Variants in BBS12 observed in about 807,000 individuals in gnomAD.
The protein encoded by BBS12 is Bardet-Biedl syndrome 12.
Under a neutral mutation model 5.6 loss-of-function variants are expected in BBS12, and 5 were observed. That is an observed-to-expected ratio of 0.89 (90% CI 0.46 to 1.86). The LOEUF is 1.86. BBS12 is among the 40% of genes most tolerant of loss of function. BBS12 has a pLI of 0.01. For missense variants in BBS12, 748 were observed against 830.4 expected (o/e 0.90, Z 1.22); for synonymous variants, 308 against 306.8 (o/e 1.00, Z -0.04).
At chr4:122,732,111 A>C (rs1800705190), upstream of BBS12, 1 of 152,162 alleles carries the variant, frequency 6.6e-6, no homozygotes, top group Non-Finnish European at 1.5e-5. Context: ...GGCGTCTTTA[A>C]TTTCTTGCTT....
chr4:122,710,179 G>C, the BBS12 span, among the ~76,000 whole-genome samples: 44 of 152,292 alleles, frequency 2.9e-4, no homozygotes, highest in African/African-American at 9.6e-4. Context: ...TCTGCCCTCA[G>C]AGTGGGGGAC....
At chr4:122,735,409 T>C (rs922051300) in intron 1 of BBS12, among the ~76,000 whole-genome samples, 2 of 152,180 alleles carry the variant, frequency 1.3e-5, no homozygotes, top group Admixed American at 1.3e-4. Flanking sequence ...AGACTTTCTT[T>C]TTTAAGATAA....
chr4:122,743,500 C>G lies in BBS12; in HGVS notation c.1608C>G (p.Phe536Leu). The G allele has an allele frequency of 1.2e-6, 2 of 1,614,204 alleles. No individual in the cohort carries two copies. Among genetic ancestry groups the G allele is most frequent in the Middle Eastern group, 1.6e-4 (1 of 6,062 alleles). ...LYYALKEEKVFLGGGAVEFLC... is the reference protein window; with the variant it reads ...LYYALKEEKVLLGGGAVEFLC... Reference sequence around the variant, plus strand: ...ATGCTCTAAAAGAGGAAAAGGTCTTCCTTGGAGGTGGTGCAGTTGAATTTT... The same window carrying G: ...ATGCTCTAAAAGAGGAAAAGGTCTTGCTTGGAGGTGGTGCAGTTGAATTTT... The change falls in exon 2 of 2, where the codon TTC becomes TTG. Residue 536 changes from phenylalanine (F) to leucine (L), a missense_variant. Coordinates refer to ENST00000314218, the MANE Select transcript of BBS12 (RefSeq NM_152618.3).
chr4:122,712,380 T>C, the BBS12 span, among the ~76,000 whole-genome samples: 27 of 152,374 alleles, frequency 1.8e-4, no homozygotes, highest in African/African-American at 5.0e-4. Context: ...TCTGTGAAAC[T>C]GTTCCCTCAC....
Position 122,743,071 on chromosome 4 carries a change from A to G in BBS12, c.1179A>G (p.Glu393=). The G allele has an allele frequency of 6.2e-7, 1 of 1,614,224 alleles. No homozygotes were observed. The highest frequency in any genetic ancestry group is 8.5e-7 in the Non-Finnish European group (1 of 1,180,012). ...TGCGGCTTCAAGAAGACAGCTCAGAAGAACTGTGGGCAAATCACGTGTTAC... is the reference window on the plus strand; with the variant it reads ...TGCGGCTTCAAGAAGACAGCTCAGAGGAACTGTGGGCAAATCACGTGTTAC... ...DSMRLQEDSS[E]ELWANHVLQV... Residue 393 remains glutamate (E), a synonymous_variant, in exon 2 of 2, where the codon GAA becomes GAG. Coordinates refer to ENST00000314218, the MANE Select transcript of BBS12 (RefSeq NM_152618.3).
At chr4:122,741,789 A>G in intron 1 of BBS12, 94 bp from the exon 2 acceptor site, 1 of 1,055,554 alleles carries the variant, frequency 9.5e-7, no homozygotes, top group Non-Finnish European at 1.4e-6. Flanking sequence ...TATGTACCTC[A>G]AAAGCAGGGA....
At chr4:122,715,774 T>C in the BBS12 span, among the ~76,000 whole-genome samples, 1 of 152,188 alleles carries the variant, frequency 6.6e-6, no homozygotes, top group African/African-American at 2.4e-5. Context: ...TATAATACAG[T>C]GCACCTATTT....
chr4:122,729,593 G>A (rs1414808200), upstream of BBS12: 1 of 152,168 alleles, frequency 6.6e-6, no homozygotes, highest in Non-Finnish European at 1.5e-5. Context: ...TAGTTTTCTT[G>A]TATGTAAAAT....
rs17006082 is a variant in BBS12 at position 122,742,606 on chromosome 4, T to G, written c.714T>G (p.Asn238Lys). ...QSILIHSRHF[N>K]RTDNTEGVSK... ...TACTAATCCACAGTAGGCATTTTAA[T>G]AGGACAGATAATACTGAAGGGGTAA... is the stretch of plus-strand genomic sequence containing the variant. Residue 238 changes from asparagine to lysine, a missense_variant, in exon 2 of 2, where the codon AAT (asparagine) becomes AAG (lysine). Coordinates refer to ENST00000314218, the MANE Select transcript of BBS12 (RefSeq NM_152618.3). The G allele has an allele frequency of 1.5e-3, 2,441 of 1,614,212 alleles. 29 individuals are homozygous for G. In the African/African-American group the frequency reaches 0.028, roughly 18 times the overall value.
At position 122,742,401 on chromosome 4, in the gene BBS12, T is replaced by C; in HGVS notation, c.509T>C (p.Ile170Thr). 1 of 1,614,242 alleles carries C rather than the reference T, an allele frequency of 6.2e-7. No homozygotes were observed. ...FLQVPSDTDL[I>T]EELHGLKDVA... ...CAGGTCCCTTCAGATACTGATTTGA[T>C]AGAGGAATTGCATGGTCTCAAAGAT... is the stretch of plus-strand genomic sequence containing the variant. The change falls in exon 2 of 2, where the codon ATA (isoleucine) becomes ACA (threonine). Residue 170 changes from isoleucine (I) to threonine (T), a missense_variant. Physicochemically the swap from Ile to Thr is moderately conservative, Grantham distance 89 (BLOSUM62 -1). Coordinates refer to ENST00000314218, the MANE Select transcript of BBS12 (RefSeq NM_152618.3).
At chr4:122,729,675 C>G (rs1448480826), upstream of BBS12, 1 of 152,162 alleles carries the variant, frequency 6.6e-6, no homozygotes, top group Admixed American at 6.6e-5. Flanking sequence ...CGGCCAGGCA[C>G]GGTGGCTCAC....
chr4:122,737,435 A>T (rs926345667), intron 1 of BBS12, among the ~76,000 whole-genome samples: 6 of 152,190 alleles, frequency 3.9e-5, no homozygotes, highest in South Asian at 2.1e-4. Context: ...ATGTTATGTA[A>T]CTATTCTGCT....
Position 122,743,434 on chromosome 4 carries a change from CAAA to C in BBS12, c.1543_1545del (p.Lys515del), listed in dbSNP as rs756297342. The C allele has an allele frequency of 3.1e-6, 5 of 1,614,036 alleles. No individual in the cohort carries two copies. Among genetic ancestry groups the C allele is most frequent in the Non-Finnish European group, 4.2e-6 (5 of 1,180,022 alleles). On this transcript the variant is annotated inframe_deletion, in exon 2 of 2. Transcript: ENST00000314218. The stretch of plus-strand genomic sequence containing the variant: ...ACCCAGTTACTGCACAGATGCAAAT[CAAA>C]GAAGATAGGTTCTGGACATGTGCCT...
At chr4:122,725,704 C>T in the BBS12 span, among the ~76,000 whole-genome samples, 1 of 151,896 alleles carries the variant, frequency 6.6e-6, no homozygotes, top group Non-Finnish European at 1.5e-5. Context: ...TGAGACAATC[C>T]TGGCCAACAT....
the BBS12 span, among the ~76,000 whole-genome samples, chr4:122,718,427 A>C: frequency 4.6e-5 from 7 of 152,314 alleles, no homozygotes; most frequent in Admixed American, 2.0e-4. Flanking sequence ...TGCTGCAAAC[A>C]AGTATAAAAA....
chr4:122,744,225 A>G lies in BBS12; in HGVS notation c.*200A>G, dbSNP rs540989574. The G allele has an allele frequency of 8.5e-6, 5 of 585,588 alleles. No individual in the cohort carries two copies. The highest frequency in any genetic ancestry group is 2.1e-5 in the South Asian group (1 of 48,466). 36.3% of individuals were successfully genotyped at this position (585,588 alleles called of 1,614,324 possible). On this transcript the variant is annotated 3_prime_UTR_variant, in exon 2 of 2. Transcript: ENST00000314218. ...AGTTAGCCTGTTACTGTTTCGTGGG[A>G]TGCTACAGAATGCATAAGACACCTG...
At chr4:122,741,785 C>A in intron 1 of BBS12, 98 bp from the exon 2 acceptor site, 1 of 990,132 alleles carries the variant, frequency 1.0e-6, no homozygotes, top group Non-Finnish European at 1.5e-6. Flanking sequence ...ATTATATGTA[C>A]CTCAAAAGCA....
chr4:122,720,853 A>C, the BBS12 span, among the ~76,000 whole-genome samples: 1 of 151,358 alleles, frequency 6.6e-6, no homozygotes, highest in East Asian at 1.9e-4. Context: ...AGTTGCTAAT[A>C]AGACAAATAG....
the BBS12 span, among the ~76,000 whole-genome samples, chr4:122,726,200 C>A: frequency 6.6e-6 from 1 of 151,954 alleles, no homozygotes; most frequent in African/African-American, 2.4e-5. Flanking sequence ...ATATCCAGAA[C>A]CTACAAGGAA....
Sources: allele counts gnomAD v4.1 joint callset (sites outside exome capture counted in the v4.1 genomes callset), GRCh38; gene constraint gnomAD v4.1.1; transcripts MANE v1.5; gene names NCBI Gene and HGNC (gene_info 2026-07-23, HGNC 2026-07-21).